SAMHD1: variants seen among roughly 807,000 people sequenced by gnomAD.
The protein encoded by SAMHD1 is deoxynucleoside triphosphate triphosphohydrolase SAMHD1.
A neutral mutation model predicts 79.6 loss-of-function variants in SAMHD1; 54 were observed. That is an observed-to-expected ratio of 0.68 (90% CI 0.55 to 0.85). The LOEUF (loss-of-function observed/expected upper bound fraction) is 0.85, where lower values mean the gene tolerates loss of function less well. SAMHD1 is among the 40% of genes least tolerant of loss of function. The probability of loss-of-function intolerance (pLI) is 0.00; values close to 1 mark genes in which losing one functional copy is unlikely to be tolerated. For missense variants in SAMHD1, 663 were observed against 782.7 expected (o/e 0.85, Z 1.82); for synonymous variants, 260 against 264.1 (o/e 0.98, Z 0.15).
In SAMHD1 at chr20:36,893,212, C is replaced by T. The variant is rs1021530519; in HGVS notation, c.1747-146G>A. On this transcript the variant is annotated intron_variant, in intron 15 of 15. Transcript: ENST00000646673. ...CTCAATCCAGGGAAACTCCAAATTACATATGCCCTGTGCTTGGGGCAAATT... is the reference window on the plus strand; with the variant it reads ...CTCAATCCAGGGAAACTCCAAATTATATATGCCCTGTGCTTGGGGCAAATT... 2.6e-5 allele frequency: 25 copies of T among 979,148 alleles called. No homozygotes were observed. In the African/African-American group the frequency reaches 3.6e-4, roughly 14 times the overall value. The allele number at this position is 979,148 out of a possible 1,614,324, so 60.7% of individuals were successfully genotyped here.
Position 36,898,502 on chromosome 20 carries a change from C to T in SAMHD1, c.1546G>A (p.Asp516Asn), listed in dbSNP as rs1198027701. 1 of 1,613,958 alleles carries T rather than the reference C, an allele frequency of 6.2e-7. No individual in the cohort carries two copies. The highest frequency in any genetic ancestry group is 1.7e-5 in the Admixed American group (1 of 59,986). Reference protein sequence around the residue: ...DYGMQEKNPIDHVSFYCKTAP... With the variant: ...DYGMQEKNPINHVSFYCKTAP... Reference sequence around the variant, plus strand: ...GTCTTACAATAGAAGCTAACATGATCAATTGGATTCTTTTCTTGCATTCCA... The same window carrying T: ...GTCTTACAATAGAAGCTAACATGATTAATTGGATTCTTTTCTTGCATTCCA... Residue 516 changes from aspartate to asparagine, a missense_variant, in exon 14 of 16, where the codon GAT (aspartate) becomes AAT (asparagine). Transcript: ENST00000646673.
chr20:36,921,543 T>C (rs763858679), intron 6 of SAMHD1, among the ~76,000 whole-genome samples: 4 of 152,044 alleles, frequency 2.6e-5, no homozygotes, highest in Admixed American at 1.3e-4. Context: ...CTAGGATTTA[T>C]GTGCCTCCTG....
intron 13 of SAMHD1, among the ~76,000 whole-genome samples, chr20:36,898,843 T>G (rs894011431): frequency 7.3e-6 from 1 of 137,832 alleles, no homozygotes; most frequent in East Asian, 2.1e-4. Flanking sequence ...ACCTGGGAGA[T>G]GGAGGTTGCA....
At chr20:36,928,097 TC>T (rs2146128788) in intron 5 of SAMHD1, among the ~76,000 whole-genome samples, 1 of 152,270 alleles carries the variant, frequency 6.6e-6, no homozygotes, top group East Asian at 1.9e-4. Context: ...TTCAAGAAAA[TC>T]CACTAGGGCC....
intron 7 of SAMHD1, among the ~76,000 whole-genome samples, chr20:36,918,658 C>T (rs954912745): frequency 3.3e-5 from 5 of 151,624 alleles, no homozygotes; most frequent in South Asian, 2.1e-4. Flanking sequence ...AAAGATTTGC[C>T]GGGCGTGGTG....
intron 11 of SAMHD1, among the ~76,000 whole-genome samples, chr20:36,910,953 G>C (rs1041002421): frequency 2.0e-5 from 3 of 152,038 alleles, no homozygotes; most frequent in African/African-American, 7.3e-5. Flanking sequence ...AATTACTTGG[G>C]AAGCTAAAAT....
intron 11 of SAMHD1, among the ~76,000 whole-genome samples, chr20:36,908,421 A>G (rs2063417859): frequency 6.6e-6 from 1 of 151,902 alleles, no homozygotes; most frequent in Non-Finnish European, 1.5e-5. Context: ...TAAATTTTTT[A>G]GAAACAGGGT....
intron 13 of SAMHD1, among the ~76,000 whole-genome samples, chr20:36,903,049 G>A (rs1160128087): frequency 6.6e-6 from 1 of 152,002 alleles, no homozygotes; most frequent in East Asian, 1.9e-4. Context: ...TACACGTGGA[G>A]AGAAATGAAG....
chr20:36,934,158 T>C (rs1375850039), intron 4 of SAMHD1, among the ~76,000 whole-genome samples: 1 of 152,092 alleles, frequency 6.6e-6, no homozygotes, highest in African/African-American at 2.4e-5. Context: ...GATACTTTCA[T>C]TATTTTTCCA....
intron 6 of SAMHD1, among the ~76,000 whole-genome samples, chr20:36,920,533 G>T (rs965313867): frequency 6.6e-6 from 1 of 152,040 alleles, no homozygotes; most frequent in African/African-American, 2.4e-5. Context: ...TTGGGAGGCC[G>T]AGGTGGGCGG....
At chr20:36,907,431 A>C (rs1339197670) in intron 11 of SAMHD1, among the ~76,000 whole-genome samples, 1 of 151,772 alleles carries the variant, frequency 6.6e-6, no homozygotes, top group Non-Finnish European at 1.5e-5. Context: ...CAGCTAAACC[A>C]AAAGCTAGTT....
intron 6 of SAMHD1, among the ~76,000 whole-genome samples, chr20:36,919,814 C>T (rs1469264032): frequency 6.6e-6 from 1 of 152,136 alleles, no homozygotes; most frequent in African/African-American, 2.4e-5. Context: ...GACAGAATTA[C>T]ATTTTAATAA....
In SAMHD1 at chr20:36,924,949, G is replaced by T. The variant is rs142074737; in HGVS notation, c.696+2233C>A. 4.7e-3 allele frequency among the ~76,000 whole-genome samples: 717 copies of T among 152,038 alleles called. 11 individuals carry two copies. The highest frequency in any genetic ancestry group is 0.027 in the East Asian group (141 of 5,174). On this transcript the variant is annotated intron_variant, in intron 6 of 15. Coordinates refer to ENST00000646673, the MANE Select transcript of SAMHD1 (RefSeq NM_015474.4). The stretch of plus-strand genomic sequence containing the variant: ...CGATGTGGGTGGATCATGAGATCAG[G>T]AGTTCGAGACCAGCCTAACCAACAT...
At chr20:36,905,251 G>A (rs2148360428) in intron 12 of SAMHD1, 113 bp downstream of exon 12, 1 of 1,175,168 alleles carries the variant, frequency 8.5e-7, no homozygotes, top group African/African-American at 1.5e-5. Context: ...AAGATTAAAT[G>A]AGAATAAACG....
At chr20:36,912,612 C>T (rs1205637987) in intron 9 of SAMHD1, 60 bp from the exon 10 acceptor site, 1 of 1,209,088 alleles carries the variant, frequency 8.3e-7, no homozygotes, top group East Asian at 2.4e-5. Context: ...TTATTAGAGA[C>T]AAGTATATAG....
chr20:36,895,460 C>T (rs1990179997), intron 15 of SAMHD1, among the ~76,000 whole-genome samples: 1 of 152,046 alleles, frequency 6.6e-6, no homozygotes, highest in Non-Finnish European at 1.5e-5. Context: ...ACTTACCATG[C>T]TCCTATAATT....
At chr20:36,912,900 T>TTG (rs1324826181) in intron 9 of SAMHD1, among the ~76,000 whole-genome samples, 2 of 131,548 alleles carry the variant, frequency 1.5e-5, no homozygotes, top group African/African-American at 6.4e-5. Context: ...TTTTTTTTTT[T>TTG]TTTTTTTTTT....
At position 36,931,125 on chromosome 20, in the gene SAMHD1, C is replaced by G. The variant is rs903004966; in HGVS notation, c.510-250G>C. 4.4e-5 allele frequency: 22 copies of G among 498,086 alleles called. No homozygotes were observed. In the Admixed American group the frequency reaches 6.5e-4, roughly 15 times the overall value. 30.9% of individuals were successfully genotyped at this position (498,086 alleles called of 1,614,324 possible). A position where few individuals can be genotyped will look rare whatever the true frequency, so the allele number is the denominator to read the frequency against. ...CACAGTGAGATACCACTTCACACCC[C>G]TTAGGATAGCTACTATTAAAAAAAG... On this transcript the variant is annotated intron_variant, in intron 4 of 15. Coordinates refer to ENST00000646673, the MANE Select transcript of SAMHD1 (RefSeq NM_015474.4).
intron 3 of SAMHD1, among the ~76,000 whole-genome samples, chr20:36,938,589 C>T: frequency 6.6e-6 from 1 of 152,002 alleles, no homozygotes. Context: ...GTAATCCCAG[C>T]ACTTTGAGAG....
Sources: gnomAD v4.1 joint callset for allele counts (sites outside exome capture counted in the v4.1 genomes callset) on GRCh38, gnomAD v4.1.1 for gene constraint, MANE v1.5 for transcripts, NCBI Gene and HGNC (gene_info 2026-07-23, HGNC 2026-07-21) for gene names.